The following ZCCHC14 variants were observed in gnomAD, a reference collection of about 807,000 sequenced individuals.
ZCCHC14 encodes zinc finger CCHC domain-containing protein 14.
Under a neutral mutation model 85.0 loss-of-function variants are expected in ZCCHC14, and 16 were observed. The ratio of observed to expected loss-of-function variants is 0.19; its 90% CI spans 0.13 to 0.29. The LOEUF (loss-of-function observed/expected upper bound fraction) is 0.29. Ranked by LOEUF, ZCCHC14 falls within the 10% of genes least tolerant of loss-of-function variation. The pLI, the probability that ZCCHC14 is intolerant of heterozygous loss-of-function variation, is 1.00. For synonymous variants in ZCCHC14, 775 were observed against 630.7 expected (o/e 1.23, Z -3.43); for missense variants, 1,303 against 1,443.5 (o/e 0.90, Z 1.58).
intron 1 of ZCCHC14, among the ~76,000 whole-genome samples, chr16:87,461,642 G>A (rs1911263377): frequency 6.6e-6 from 1 of 152,328 alleles, no homozygotes; most frequent in Non-Finnish European, 1.5e-5. Flanking sequence ...CACTCGCTCT[G>A]CAGAGGGCTG....
chr16:87,454,829 C>G (rs1349121688), intron 2 of ZCCHC14, among the ~76,000 whole-genome samples: 1 of 152,196 alleles, frequency 6.6e-6, no homozygotes, highest in African/African-American at 2.4e-5. Context: ...AGTACACATA[C>G]AGGACAGGGC....
At chr16:87,441,480 T>C (rs1910183237) in intron 2 of ZCCHC14, among the ~76,000 whole-genome samples, 1 of 152,192 alleles carries the variant, frequency 6.6e-6, no homozygotes, top group Non-Finnish European at 1.5e-5. Flanking sequence ...TATTTATTGT[T>C]TAAGTCTGTA....
intron 7 of ZCCHC14, chr16:87,418,009 C>A (rs914440503): frequency 1.7e-5 from 8 of 475,614 alleles, no homozygotes; most frequent in Non-Finnish European, 2.6e-5. Flanking sequence ...CATGCCTCTG[C>A]CCGTGCTTCG....
At chr16:87,478,296 TAA>T (rs2150773689) in intron 1 of ZCCHC14, among the ~76,000 whole-genome samples, 1 of 152,256 alleles carries the variant, frequency 6.6e-6, no homozygotes, top group East Asian at 1.9e-4. Context: ...AGCCAACAGA[TAA>T]TAAGCCAGCA....
At chr16:87,432,736 C>T (rs978380509) in intron 3 of ZCCHC14, among the ~76,000 whole-genome samples, 8 of 152,216 alleles carry the variant, frequency 5.3e-5, no homozygotes, top group Non-Finnish European at 8.8e-5. Context: ...AGCATCTGAA[C>T]GTGTCAGTTT....
chr16:87,439,065 C>A (rs999655352), intron 2 of ZCCHC14, among the ~76,000 whole-genome samples: 2 of 152,146 alleles, frequency 1.3e-5, no homozygotes, highest in African/African-American at 4.8e-5. Context: ...TTCTGAAGTG[C>A]CCTGCGTATG....
chr16:87,467,118 C>G (rs1911560537), intron 1 of ZCCHC14: 1 of 768,110 alleles, frequency 1.3e-6, no homozygotes, highest in African/African-American at 1.8e-5. Flanking sequence ...CTCCTGGCCT[C>G]AAAAGTGGTC....
chr16:87,422,912 G>C (rs549817739), intron 4 of ZCCHC14, among the ~76,000 whole-genome samples: 16 of 152,134 alleles, frequency 1.1e-4, no homozygotes, highest in Admixed American at 9.8e-4. Flanking sequence ...TCCCGGGGGG[G>C]GGTGTGTGTT....
At chr16:87,434,145 C>T (rs979754424) in intron 2 of ZCCHC14, among the ~76,000 whole-genome samples, 20 of 152,150 alleles carry the variant, frequency 1.3e-4, no homozygotes, top group Admixed American at 6.5e-4. Context: ...CTACTCATCC[C>T]GTTTTCCACG....
chr16:87,465,391 A>G (rs1467729249), intron 1 of ZCCHC14, among the ~76,000 whole-genome samples: 2 of 152,234 alleles, frequency 1.3e-5, no homozygotes, highest in African/African-American at 4.8e-5. Context: ...TGCAATCTAC[A>G]TTATGTAACA....
At chr16:87,447,481 C>G (rs1417378619) in intron 2 of ZCCHC14, among the ~76,000 whole-genome samples, 2 of 152,138 alleles carry the variant, frequency 1.3e-5, no homozygotes, top group African/African-American at 4.8e-5. Flanking sequence ...GGACCATACA[C>G]GGGCCCTGCT....
chr16:87,417,950 G>T, intron 7 of ZCCHC14: 1 of 595,766 alleles, frequency 1.7e-6, no homozygotes, highest in Non-Finnish European at 2.9e-6. Flanking sequence ...TTTCTGTAAT[G>T]CATGTCTGTG....
At chr16:87,414,315 G>A (rs1269826654) in intron 10 of ZCCHC14, 99 bp downstream of exon 10, 2 of 1,591,336 alleles carry the variant, frequency 1.3e-6, no homozygotes, top group Non-Finnish European at 1.7e-6. Context: ...CCATCTGCCC[G>A]ACACACGGGC....
chr16:87,480,245 T>G (rs770160703), intron 1 of ZCCHC14, among the ~76,000 whole-genome samples: 6 of 151,866 alleles, frequency 4.0e-5, no homozygotes, highest in Non-Finnish European at 7.4e-5. Flanking sequence ...CTACTAAAAA[T>G]ACAAAAAATT....
Position 87,492,895 on chromosome 16 carries a change from T to A in ZCCHC14, c.-657A>T, listed in dbSNP as rs1912840861. ...TTGCTGCTCCCGCGCGGCGGACGGA[T>A]CCGGGCCCGAGCGCGGCGGCGGCGG... On this transcript the variant is annotated 5_prime_UTR_variant, in exon 1 of 13. Transcript: ENST00000671377. This position sits in a 1 kb window ranked among gnomAD's most constrained non-coding sequence, Gnocchi z 6.7. Among the ~76,000 whole-genome samples, 1 of 146,426 alleles carries A rather than the reference T, an allele frequency of 6.8e-6. No individual in the cohort carries two copies. Among genetic ancestry groups the A allele is most frequent in the South Asian group, 2.2e-4 (1 of 4,612 alleles).
At chr16:87,484,185 T>C (rs1912411927) in intron 1 of ZCCHC14, among the ~76,000 whole-genome samples, 1 of 152,304 alleles carries the variant, frequency 6.6e-6, no homozygotes, top group South Asian at 2.1e-4. Context: ...ACATGTTTTT[T>C]ACACGTGAAA....
chr16:87,450,175 C>A (rs1910629456), intron 2 of ZCCHC14, among the ~76,000 whole-genome samples: 1 of 152,188 alleles, frequency 6.6e-6, no homozygotes, highest in African/African-American at 2.4e-5. Context: ...GTAGATACTT[C>A]CTGCTTTAAA....
At chr16:87,432,660 C>T (rs192846423) in intron 3 of ZCCHC14, among the ~76,000 whole-genome samples, 3 of 152,220 alleles carry the variant, frequency 2.0e-5, no homozygotes, top group African/African-American at 7.2e-5. Flanking sequence ...CGTGGGTCAC[C>T]GGGAAACACA....
At chr16:87,460,165 T>C (rs771192768) in intron 1 of ZCCHC14, 34 bp from the exon 2 acceptor site, 1 of 1,608,614 alleles carries the variant, frequency 6.2e-7, no homozygotes, top group South Asian at 1.1e-5. Flanking sequence ...TCTTATTTTC[T>C]CCCACGGAGT....
Sources: allele counts gnomAD v4.1 joint callset (sites outside exome capture counted in the v4.1 genomes callset), GRCh38; gene constraint gnomAD v4.1.1; non-coding constraint Gnocchi (gnomAD v3.1); transcripts MANE v1.5; gene names NCBI Gene and HGNC (gene_info 2026-07-23, HGNC 2026-07-21).